Variants in ZFYVE26 observed in about 807,000 individuals in gnomAD.
ZFYVE26 encodes zinc finger FYVE domain-containing protein 26.
In ZFYVE26, 181 loss-of-function variants were observed where a neutral mutation model predicts 276.5. The observed-to-expected ratio is 0.65, with a 90% CI of 0.58 to 0.74. ZFYVE26 has a LOEUF of 0.74. Among genes scored for constraint, ZFYVE26 ranks in the 30% least tolerant of loss-of-function variants. ZFYVE26 has a pLI of 0.00. For missense variants in ZFYVE26, 2,821 were observed against 3,097.9 expected (o/e 0.91, Z 2.12); for synonymous variants, 1,129 against 1,203.1 (o/e 0.94, Z 1.27).
chr14:67,809,408 C>CTTTTTTTTTTT lies in ZFYVE26; in HGVS notation c.274-130_274-120dup, dbSNP rs10580613. 3.5e-4 allele frequency: 74 copies of CTTTTTTTTTTT among 213,484 alleles called. 2 individuals are homozygous for CTTTTTTTTTTT. The highest frequency in any genetic ancestry group is 2.6e-3 in the African/African-American group (71 of 27,550). 13.2% of individuals were successfully genotyped at this position (213,484 alleles called of 1,614,324 possible). On this transcript the variant is annotated intron_variant, in intron 3 of 41. Coordinates refer to ENST00000347230, the MANE Select transcript of ZFYVE26 (RefSeq NM_015346.4). ...TGCTATTTCTCTAAGATGAAGCACTCTTTTTTTTTTTTTTTTTTTTTTTTT... is the reference window on the plus strand; with the variant it reads ...TGCTATTTCTCTAAGATGAAGCACTCTTTTTTTTTTTTTTTTTTTTTTTTTTTTTTTTTTTT...
At chr14:67,784,850 AT>A (rs1566884087) in intron 19 of ZFYVE26, among the ~76,000 whole-genome samples, 1 of 152,190 alleles carries the variant, frequency 6.6e-6, no homozygotes, top group Non-Finnish European at 1.5e-5. Context: ...TTCCAAGAAA[AT>A]TAATTGAGTA....
chr14:67,783,283 G>A lies in ZFYVE26; in HGVS notation c.3869C>T (p.Ser1290Phe), dbSNP rs557195518. The A allele has an allele frequency of 3.1e-6, 5 of 1,613,530 alleles. No individual in the cohort carries two copies. Among genetic ancestry groups the A allele is most frequent in the East Asian group, 2.2e-5 (1 of 44,858 alleles). The stretch of plus-strand genomic sequence containing the variant: ...TGGGAGTGATGAGTCCCTTGGGGAG[G>A]AGTAGGGCTTTCTTTCCAATGTAGG... ...ENPTLERKPY[S>F]SPRDSSLPAL... The change falls in exon 21 of 42, where the codon TCC becomes TTC. Residue 1290 changes from serine (S) to phenylalanine (F), a missense_variant. Coordinates refer to ENST00000347230, the MANE Select transcript of ZFYVE26 (RefSeq NM_015346.4).
At chr14:67,779,809 T>C (rs547677984) in intron 23 of ZFYVE26, among the ~76,000 whole-genome samples, 5 of 152,188 alleles carry the variant, frequency 3.3e-5, no homozygotes, top group Non-Finnish European at 7.3e-5. Context: ...GAGTCAATTG[T>C]ATTAGTCTCT....
chr14:67,758,053 G>C (rs375555842), intron 35 of ZFYVE26, among the ~76,000 whole-genome samples: 2 of 152,126 alleles, frequency 1.3e-5, no homozygotes, highest in African/African-American at 2.4e-5. Flanking sequence ...TTAGTGCCCA[G>C]AATAGTCCTT....
At chr14:67,799,852 A>G (rs1171590903) in intron 10 of ZFYVE26, among the ~76,000 whole-genome samples, 2 of 152,118 alleles carry the variant, frequency 1.3e-5, no homozygotes, top group Non-Finnish European at 2.9e-5. Flanking sequence ...GGGAGGGCGG[A>G]GGGAGGCAGT....
chr14:67,751,019 G>A (rs1325862537), intron 41 of ZFYVE26, 33 bp downstream of exon 41: 2 of 1,613,900 alleles, frequency 1.2e-6, no homozygotes, highest in Non-Finnish European at 1.7e-6. Flanking sequence ...CAATTCATTG[G>A]CATCACCAGC....
chr14:67,749,245 A>G (rs370464698), intron 41 of ZFYVE26, among the ~76,000 whole-genome samples: 33 of 152,194 alleles, frequency 2.2e-4, no homozygotes, highest in Admixed American at 3.9e-4. Flanking sequence ...AGCTGAATCT[A>G]AAGTTTTTTT....
intron 13 of ZFYVE26, among the ~76,000 whole-genome samples, chr14:67,738,104 A>G (rs1487276504): frequency 6.6e-6 from 1 of 151,994 alleles, no homozygotes; most frequent in Non-Finnish European, 1.5e-5. Context: ...TGGCAAAAAT[A>G]TAGAAAAATA....
intron 20 of ZFYVE26, among the ~76,000 whole-genome samples, 170 bp downstream of exon 20, chr14:67,784,164 A>G (rs2039586698): frequency 6.6e-6 from 1 of 152,250 alleles, no homozygotes; most frequent in African/African-American, 2.4e-5. Flanking sequence ...CGAGAGAGAA[A>G]GCAGGAAACA....
At chr14:67,809,108 A>G (rs575768801) in intron 4 of ZFYVE26, 92 bp downstream of exon 4, 1 of 1,122,830 alleles carries the variant, frequency 8.9e-7, no homozygotes, top group Admixed American at 1.7e-5. Context: ...TATGGGCAAC[A>G]TCTTGGAGAC....
At chr14:67,774,249 T>TA (rs2039284534) in intron 27 of ZFYVE26, among the ~76,000 whole-genome samples, 1 of 152,254 alleles carries the variant, frequency 6.6e-6, no homozygotes, top group South Asian at 2.1e-4. Flanking sequence ...CTCATGCCTA[T>TA]AATCCCAGCA....
Position 67,797,774 on chromosome 14 carries a change from T to C in ZFYVE26, c.2249-19A>G. The C allele has an allele frequency of 6.2e-7, 1 of 1,613,664 alleles. No individual in the cohort carries two copies. Among genetic ancestry groups the C allele is most frequent in the Non-Finnish European group, 8.5e-7 (1 of 1,179,900 alleles). On this transcript the variant is annotated intron_variant, in intron 11 of 41. Transcript: ENST00000347230. ...TGCTCCTCTGAAAGAGCAAACCCAA[T>C]GGGACAGAAAGGAGAGTGATCAACT...
At chr14:67,806,784 G>A (rs2040189972) in intron 5 of ZFYVE26, 109 bp from the exon 6 acceptor site, 1 of 1,375,610 alleles carries the variant, frequency 7.3e-7, no homozygotes, top group African/African-American at 1.4e-5. Flanking sequence ...TAAAAACTTA[G>A]GCTGGGTTTT....
At chr14:67,735,238 G>A (rs1376610314) in intron 13 of ZFYVE26, 10 of 1,397,056 alleles carry the variant, frequency 7.2e-6, no homozygotes, top group Admixed American at 3.3e-5. Context: ...GTGCTCCCAC[G>A]AGACACAGCC....
chr14:67,802,368 T>C (rs2040095801), intron 9 of ZFYVE26, 86 bp from the exon 10 acceptor site: 4 of 1,350,936 alleles, frequency 3.0e-6, no homozygotes, highest in Non-Finnish European at 3.1e-6. Flanking sequence ...TGCTGTGCCA[T>C]ACTTAGAGGT....
intron 38 of ZFYVE26, 72 bp downstream of exon 38, chr14:67,753,999 G>A: frequency 6.2e-7 from 1 of 1,609,076 alleles, no homozygotes; most frequent in African/African-American, 1.3e-5. Flanking sequence ...ATAATCACTA[G>A]ACAACTGCAA....
rs2140227998 is a variant in ZFYVE26, at chr14:67,786,124, T to G, written c.3129A>C (p.Gln1043His). Residue 1043 changes from glutamine to histidine, a missense_variant, in exon 17 of 42, where the codon CAA (glutamine) becomes CAC (histidine). Coordinates refer to ENST00000347230, the MANE Select transcript of ZFYVE26 (RefSeq NM_015346.4). ...SLNYLLMSASQTKSESVEEKG... is the reference protein window; with the variant it reads ...SLNYLLMSASHTKSESVEEKG... The stretch of plus-strand genomic sequence containing the variant: ...AAAAAAGCAACTCACCTGATTTGGT[T>G]TGACTGGCTGACATAAGCAGATAAT... 3.1e-6 allele frequency: 5 copies of G among 1,614,168 alleles called. No individual in the cohort carries two copies. Among genetic ancestry groups the G allele is most frequent in the Non-Finnish European group, 4.2e-6 (5 of 1,180,028 alleles).
Position 67,793,624 on chromosome 14 carries a change from A to G in ZFYVE26, c.2537T>C (p.Phe846Ser). The change falls in exon 14 of 42, where the codon TTC becomes TCC. Residue 846 changes from phenylalanine (F) to serine (S), a missense_variant. Transcript: ENST00000347230. The stretch of plus-strand genomic sequence containing the variant: ...TCCCCTCACCTGATGGGCTTCTGCG[A>G]AGTTCCCGCGAAGGATGCAGGATGC... ...LLASCILRGNFAEAHQVLFTF... is the reference protein window; with the variant it reads ...LLASCILRGNSAEAHQVLFTF... 2 of 1,613,670 alleles carry G rather than the reference A, an allele frequency of 1.2e-6. No individual in the cohort carries two copies. Among genetic ancestry groups the G allele is most frequent in the Non-Finnish European group, 1.7e-6 (2 of 1,179,790 alleles).
rs2040217896 is a variant in ZFYVE26 at position 67,807,842 on chromosome 14, G to A, written c.442C>T (p.Arg148Cys). The change falls in exon 5 of 42, where the codon CGT (arginine) becomes TGT (cysteine). Residue 148 changes from arginine to cysteine, a missense_variant. Physicochemically the swap from Arg to Cys is radical, Grantham distance 180. Transcript: ENST00000347230. ...ACAGAGACAGCTTCGGAGCTGAGAC[G>A]AGGAGTCCAGCTCTCCCTCCTTGGA... ...GNPRRESWTPRLSSEAVSVLW... is the reference protein window; with the variant it reads ...GNPRRESWTPCLSSEAVSVLW... 6.2e-7 allele frequency: 1 copy of A among 1,613,982 alleles called. No individual in the cohort carries two copies. The highest frequency in any genetic ancestry group is 1.1e-5 in the South Asian group (1 of 91,072).
Sources: gnomAD v4.1 joint callset for allele counts (sites outside exome capture counted in the v4.1 genomes callset) on GRCh38, gnomAD v4.1.1 for gene constraint, MANE v1.5 for transcripts, NCBI Gene and HGNC (gene_info 2026-07-23, HGNC 2026-07-21) for gene names.